DOK5: variants seen among roughly 807,000 people sequenced by gnomAD.
DOK5 encodes docking protein 5, also known as downstream of tyrosine kinase 5.
Under a neutral mutation model 43.3 loss-of-function variants are expected in DOK5, and 27 were observed. That is an observed-to-expected ratio of 0.62 (90% CI 0.46 to 0.86). The LOEUF is 0.86. Among genes scored for constraint, DOK5 ranks in the 40% least tolerant of loss-of-function variants. The pLI, the probability that DOK5 is intolerant of heterozygous loss-of-function variation, is 0.00. For synonymous variants in DOK5, 146 were observed against 140.1 expected (o/e 1.04, Z -0.30); for missense variants, 373 against 392.9 (o/e 0.95, Z 0.43).
Position 54,556,740 on chromosome 20 carries a change from A to G in DOK5, c.174+1700A>G, listed in dbSNP as rs143187691. 4.2e-4 allele frequency among the ~76,000 whole-genome samples: 64 copies of G among 152,158 alleles called. No individual in the cohort carries two copies. In the East Asian group the frequency reaches 0.011, roughly 26 times the overall value. ...TTACACATCAGGTCTTCTCTTGAGA[A>G]CCTTAGCCGGTCTGTAACTTTGCAA... On this transcript the variant is annotated intron_variant, in intron 2 of 7. Coordinates refer to ENST00000262593, the MANE Select transcript of DOK5 (RefSeq NM_018431.5).
At chr20:54,479,465 A>G (rs865962664) in intron 1 of DOK5, among the ~76,000 whole-genome samples, 4 of 152,200 alleles carry the variant, frequency 2.6e-5, no homozygotes, top group African/African-American at 9.7e-5. Context: ...GGGGAGAGGC[A>G]AATCAGGCAA....
At chr20:54,580,695 C>A (rs1480437282) in intron 2 of DOK5, among the ~76,000 whole-genome samples, 2 of 152,054 alleles carry the variant, frequency 1.3e-5, no homozygotes, top group African/African-American at 4.8e-5. Context: ...GACATTTGCC[C>A]ATTTTAAAAT....
intron 5 of DOK5, among the ~76,000 whole-genome samples, chr20:54,594,688 T>G (rs918959022): frequency 6.6e-6 from 1 of 152,202 alleles, no homozygotes; most frequent in Non-Finnish European, 1.5e-5. Flanking sequence ...CTTTTTTTAT[T>G]TACCATTTAC....
At chr20:54,509,684 A>T (rs2146686099) in intron 1 of DOK5, among the ~76,000 whole-genome samples, 1 of 152,334 alleles carries the variant, frequency 6.6e-6, no homozygotes, top group East Asian at 1.9e-4. Context: ...ATTATTGAGT[A>T]GAATTTTCTC....
chr20:54,645,925 CAAAAAAAAAAAAAAA>C (rs550943378), intron 7 of DOK5, among the ~76,000 whole-genome samples: 1 of 85,880 alleles, frequency 1.2e-5, no homozygotes. Context: ...GCAGATGCTG[CAAAAAAAAAAAAAAA>C]AAAAAAAAAA....
intron 6 of DOK5, among the ~76,000 whole-genome samples, chr20:54,637,858 C>T (rs977534128): frequency 6.6e-6 from 1 of 152,180 alleles, no homozygotes; most frequent in South Asian, 2.1e-4. Context: ...CGCGGTGGCT[C>T]ACGCCTGTAA....
chr20:54,590,417 G>A (rs960010576), intron 4 of DOK5, among the ~76,000 whole-genome samples: 4 of 151,756 alleles, frequency 2.6e-5, no homozygotes, highest in Admixed American at 2.0e-4. Flanking sequence ...TTATTCTTGA[G>A]TGAGGTAGGA....
intron 2 of DOK5, among the ~76,000 whole-genome samples, chr20:54,572,671 A>G (rs1271786365): frequency 6.6e-6 from 1 of 152,208 alleles, no homozygotes; most frequent in Non-Finnish European, 1.5e-5. Flanking sequence ...CCCACAAGCA[A>G]CGCAGGCAGC....
chr20:54,501,779 G>T (rs1176449898), intron 1 of DOK5, among the ~76,000 whole-genome samples: 1 of 152,112 alleles, frequency 6.6e-6, no homozygotes, highest in African/African-American at 2.4e-5. Context: ...CTTAGCAATG[G>T]TGAGCTGTGC....
chr20:54,613,673 T>C (rs1221862337), intron 6 of DOK5, among the ~76,000 whole-genome samples: 1 of 152,200 alleles, frequency 6.6e-6, no homozygotes, highest in Non-Finnish European at 1.5e-5. Context: ...CCTATTTTAT[T>C]ATATGGATAT....
intron 1 of DOK5, among the ~76,000 whole-genome samples, chr20:54,548,112 A>T (rs1984406402): frequency 6.6e-6 from 1 of 152,190 alleles, no homozygotes; most frequent in South Asian, 2.1e-4. Flanking sequence ...TTCTGGCCCA[A>T]AATGTCAACT....
chr20:54,506,491 TTCTC>T (rs1362448338), intron 1 of DOK5, among the ~76,000 whole-genome samples: 1 of 152,184 alleles, frequency 6.6e-6, no homozygotes, highest in African/African-American at 2.4e-5. Flanking sequence ...GACAGGGTCT[TTCTC>T]TGTCACCCAG....
chr20:54,583,201 T>C (rs1378414463), intron 2 of DOK5, among the ~76,000 whole-genome samples: 1 of 152,148 alleles, frequency 6.6e-6, no homozygotes, highest in Non-Finnish European at 1.5e-5. Context: ...GTTATTGTTT[T>C]TTAGTTTTAT....
At chr20:54,535,155 T>C (rs1477266674) in intron 1 of DOK5, among the ~76,000 whole-genome samples, 1 of 152,126 alleles carries the variant, frequency 6.6e-6, no homozygotes, top group African/African-American at 2.4e-5. Context: ...TTCCTGGAAG[T>C]TATCTGTGAA....
chr20:54,589,456 G>C (rs1486256353), intron 4 of DOK5, among the ~76,000 whole-genome samples: 1 of 151,984 alleles, frequency 6.6e-6, no homozygotes, highest in African/African-American at 2.4e-5. Context: ...AGTCAATCTG[G>C]GAATCAATAA....
intron 1 of DOK5, among the ~76,000 whole-genome samples, chr20:54,538,712 G>A (rs1386617092): frequency 6.6e-6 from 1 of 152,128 alleles, no homozygotes; most frequent in Non-Finnish European, 1.5e-5. Context: ...TGTGAAGGGT[G>A]GTAAAGTTTA....
intron 5 of DOK5, among the ~76,000 whole-genome samples, chr20:54,605,347 C>T (rs928511957): frequency 3.9e-5 from 6 of 152,192 alleles, no homozygotes; most frequent in African/African-American, 1.2e-4. Context: ...AACGAGAGAA[C>T]AGAGTTTCTG....
rs147151092 is a variant in DOK5, at chr20:54,509,074, C to T, written c.66+33062C>T. Reference sequence around the variant, plus strand: ...GTATTTTGGTAGAGACAGGGTTTTGCCATGTTGGCCAGGCCGGTCTTGAAC... The same window carrying T: ...GTATTTTGGTAGAGACAGGGTTTTGTCATGTTGGCCAGGCCGGTCTTGAAC... On this transcript the variant is annotated intron_variant, in intron 1 of 7. Coordinates refer to ENST00000262593, the MANE Select transcript of DOK5 (RefSeq NM_018431.5). Among the ~76,000 whole-genome samples, 415 of 152,194 alleles carry T rather than the reference C, an allele frequency of 2.7e-3. 1 individual carries two copies. The highest frequency in any genetic ancestry group is 9.7e-3 in the African/African-American group (401 of 41,510).
chr20:54,576,254 C>T (rs972192765), intron 2 of DOK5, among the ~76,000 whole-genome samples: 1 of 151,922 alleles, frequency 6.6e-6, no homozygotes, highest in Non-Finnish European at 1.5e-5. Context: ...ATAAGAGATA[C>T]ATATAAGATG....
Sources: allele counts gnomAD v4.1 joint callset (sites outside exome capture counted in the v4.1 genomes callset), GRCh38; gene constraint gnomAD v4.1.1; transcripts MANE v1.5; gene names NCBI Gene and HGNC (gene_info 2026-07-23, HGNC 2026-07-21).